The following LRRC40 variants were observed in gnomAD, a reference collection of about 807,000 sequenced individuals.
LRRC40 encodes the protein leucine rich repeat containing 40.
LRRC40 carries 76 observed loss-of-function variants against 72.8 expected under a neutral mutation model. That is an observed-to-expected ratio of 1.04 (90% CI 0.87 to 1.26). The LOEUF is 1.26. Ranked by LOEUF, LRRC40 falls within the 50% of genes most tolerant of loss-of-function variation. The pLI is 0.00. For missense variants in LRRC40, 684 were observed against 698.9 expected, an observed-to-expected ratio of 0.98 and a Z score of 0.24; for synonymous variants, 243 against 254.2, an observed-to-expected ratio of 0.96 and a Z score of 0.42.
intron 10 of LRRC40, 109 bp downstream of exon 10, chr1:70,159,221 G>C (rs572561939): frequency 4.5e-4 from 196 of 436,440 alleles, no homozygotes; most frequent in Non-Finnish European, 6.7e-4. Flanking sequence ...CTAGCACTTT[G>C]AGAGGCCAAA....
chr1:70,166,544 C>T (rs1191463081), intron 9 of LRRC40, among the ~76,000 whole-genome samples: 1 of 151,886 alleles, frequency 6.6e-6, no homozygotes, highest in African/African-American at 2.4e-5. Flanking sequence ...GTAATCCTAG[C>T]TACTTGGAAG....
At chr1:70,146,909 T>G (rs1378348813) in intron 14 of LRRC40, 1 of 152,194 alleles carries the variant, frequency 6.6e-6, no homozygotes, top group East Asian at 1.9e-4. Flanking sequence ...TTTTTAACAG[T>G]TAAGTGTTTA....
At chr1:70,204,589 T>C (rs1219382092) in intron 1 of LRRC40, among the ~76,000 whole-genome samples, 1 of 152,202 alleles carries the variant, frequency 6.6e-6, no homozygotes, top group Admixed American at 6.5e-5. Context: ...TAATCTACTT[T>C]ATACATGTCA....
rs1156788447 is a variant in LRRC40 at position 70,205,456 on chromosome 1, G to T, written c.85C>A (p.Gln29Lys). The change falls in exon 1 of 15, where the codon CAA becomes AAA. Residue 29 changes from glutamine to lysine, a missense_variant. Gln to Lys is a moderately conservative substitution (Grantham distance 53). Transcript: ENST00000370952. ...TTCCTCGCTGCCTTCAACAGCCCTTGGGGTACCGAGGTACCGCAGTCTCTT... is the reference window on the plus strand; with the variant it reads ...TTCCTCGCTGCCTTCAACAGCCCTTTGGGTACCGAGGTACCGCAGTCTCTT... ...GGRDCGTSVP[Q>K]GLLKAARKSG... 1.2e-6 allele frequency: 2 copies of T among 1,609,750 alleles called. No homozygotes were observed. Among genetic ancestry groups the T allele is most frequent in the South Asian group, 2.2e-5 (2 of 90,784 alleles).
chr1:70,165,736 TAG>T (rs1667866659), intron 9 of LRRC40, among the ~76,000 whole-genome samples: 1 of 152,146 alleles, frequency 6.6e-6, no homozygotes, highest in South Asian at 2.1e-4. Flanking sequence ...CCAGAAAATT[TAG>T]AGATAATTAA....
chr1:70,200,588 C>T (rs1162123642), intron 1 of LRRC40, among the ~76,000 whole-genome samples: 1 of 151,936 alleles, frequency 6.6e-6, no homozygotes, highest in South Asian at 2.1e-4. Context: ...AAGTACAATT[C>T]TTAATAATAA....
intron 1 of LRRC40, among the ~76,000 whole-genome samples, chr1:70,197,591 G>C (rs534594314): frequency 1.4e-5 from 2 of 142,818 alleles, no homozygotes; most frequent in African/African-American, 5.1e-5. Flanking sequence ...CCCAACCCCC[G>C]GCTTTTTTTT....
At chr1:70,190,421 C>A (rs1668467316) in intron 1 of LRRC40, among the ~76,000 whole-genome samples, 1 of 151,736 alleles carries the variant, frequency 6.6e-6, no homozygotes, top group East Asian at 1.9e-4. Context: ...TGCCTCAGGG[C>A]TATAATCCCT....
Position 70,184,827 on chromosome 1 carries a change from G to A in LRRC40, c.495C>T (p.Cys165=), listed in dbSNP as rs959721861. The A allele has an allele frequency of 1.2e-6, 2 of 1,610,768 alleles. No homozygotes were observed. The highest frequency in any genetic ancestry group is 1.7e-5 in the Admixed American group (1 of 59,524). The change falls in exon 4 of 15, where the codon TGC becomes TGT. Residue 165 remains cysteine, a synonymous_variant. Coordinates refer to ENST00000370952, the MANE Select transcript of LRRC40 (RefSeq NM_017768.5). ...CLYLQHNELT[C]ISEGFEQLSN... is the part of the protein sequence containing the mutation. ...AAAGTTGTTCAAATCCCTCTGATAT[G>A]CAGGTTAATTCATTATGCTGGAGAT... is the stretch of plus-strand genomic sequence containing the variant.
intron 1 of LRRC40, among the ~76,000 whole-genome samples, chr1:70,203,290 G>A (rs781670236): frequency 6.6e-6 from 1 of 152,198 alleles, no homozygotes; most frequent in African/African-American, 2.4e-5. Context: ...TACCTATACC[G>A]TATCTTCTGG....
chr1:70,176,531 C>CAAAAA (rs368720423), intron 6 of LRRC40, among the ~76,000 whole-genome samples: 2 of 29,676 alleles, frequency 6.7e-5, no homozygotes, highest in African/African-American at 1.2e-4. Flanking sequence ...GAATCCATCT[C>CAAAAA]AAAAAAAAAA....
intron 9 of LRRC40, among the ~76,000 whole-genome samples, chr1:70,163,094 T>TG (rs544595487): frequency 6.6e-6 from 1 of 151,212 alleles, no homozygotes; most frequent in Non-Finnish European, 1.5e-5. Context: ...TTTTTTTTTT[T>TG]GAGACGGAGT....
intron 1 of LRRC40, among the ~76,000 whole-genome samples, chr1:70,195,383 A>C (rs1299847421): frequency 6.6e-6 from 1 of 151,818 alleles, no homozygotes; most frequent in Admixed American, 6.6e-5. Context: ...AAAAAAAAAA[A>C]GACAAAAGTT....
chr1:70,159,234 A>G (rs1170283770), intron 10 of LRRC40, 96 bp downstream of exon 10: 2 of 463,686 alleles, frequency 4.3e-6, no homozygotes, highest in African/African-American at 4.0e-5. Flanking sequence ...AGGCCAAAGC[A>G]GGAGGATGGC....
chr1:70,174,213 A>G (rs1351395162), intron 7 of LRRC40, among the ~76,000 whole-genome samples: 1 of 152,086 alleles, frequency 6.6e-6, no homozygotes, highest in Non-Finnish European at 1.5e-5. Flanking sequence ...TTCAATATCA[A>G]TAAAATCTAT....
At chr1:70,178,265 C>T (rs1189171442) in intron 6 of LRRC40, among the ~76,000 whole-genome samples, 1 of 151,988 alleles carries the variant, frequency 6.6e-6, no homozygotes, top group Non-Finnish European at 1.5e-5. Flanking sequence ...TACTGATTTG[C>T]CATTAATAGA....
chr1:70,163,852 C>T (rs1009586264), intron 9 of LRRC40, among the ~76,000 whole-genome samples: 5 of 152,132 alleles, frequency 3.3e-5, no homozygotes, highest in Non-Finnish European at 5.9e-5. Context: ...CTTAATGCCA[C>T]GATGGCATAA....
chr1:70,204,676 C>T (rs1425589740), intron 1 of LRRC40, among the ~76,000 whole-genome samples: 1 of 151,666 alleles, frequency 6.6e-6, no homozygotes, highest in Non-Finnish European at 1.5e-5. Context: ...TGAAGAAAAA[C>T]ATTACAGGAA....
intron 10 of LRRC40, among the ~76,000 whole-genome samples, chr1:70,159,036 T>C (rs902280944): frequency 6.6e-6 from 1 of 152,210 alleles, no homozygotes; most frequent in Non-Finnish European, 1.5e-5. Context: ...AATATCCTTC[T>C]ATTTCATCAT....
Sources: gnomAD v4.1 joint callset for allele counts (sites outside exome capture counted in the v4.1 genomes callset) on GRCh38, gnomAD v4.1.1 for gene constraint, MANE v1.5 for transcripts, NCBI Gene and HGNC (gene_info 2026-07-23, HGNC 2026-07-21) for gene names.